TMEM74: variants seen among roughly 807,000 people sequenced by gnomAD.
TMEM74 encodes transmembrane protein 74.
A neutral mutation model predicts 18.1 loss-of-function variants in TMEM74; 13 were observed. That is an observed-to-expected ratio of 0.72 (90% CI 0.47 to 1.14). TMEM74 has a LOEUF of 1.14. Ranked by LOEUF, TMEM74 falls within the 50% of genes most tolerant of loss-of-function variation. The pLI is 0.00. For synonymous variants in TMEM74, 159 were observed against 146.6 expected, an observed-to-expected ratio of 1.08 and a Z score of -0.61; for missense variants, 372 against 375.9, an observed-to-expected ratio of 0.99 and a Z score of 0.09.
At chr8:108,758,788 C>T (rs545126543) in intron 1 of TMEM74, among the ~76,000 whole-genome samples, 39 of 152,078 alleles carry the variant, frequency 2.6e-4, no homozygotes, top group African/African-American at 9.2e-4. Flanking sequence ...TATAAATTCC[C>T]ATCAATGGGA....
In TMEM74 at chr8:108,783,206, C is replaced by A. The variant is rs1413071809; in HGVS notation, c.*975G>T. On this transcript the variant is annotated 3_prime_UTR_variant, in exon 2 of 2. Coordinates refer to ENST00000297459, the MANE Select transcript of TMEM74 (RefSeq NM_153015.3). ...GATACAGCCTGCGAGGCACAGTCCC[C>A]AAAAGTCTAGCTGCAATTCTATTGG... 6.6e-6 allele frequency among the ~76,000 whole-genome samples: 1 copy of A among 152,134 alleles called. No homozygotes were observed. The highest frequency in any genetic ancestry group is 1.5e-5 in the Non-Finnish European group (1 of 68,036).
chr8:108,658,186 G>A (rs929859744), intron 1 of TMEM74, among the ~76,000 whole-genome samples: 1 of 151,808 alleles, frequency 6.6e-6, no homozygotes, highest in Non-Finnish European at 1.5e-5. Context: ...GTGGTACAGT[G>A]GAAAGAGGAC....
At chr8:108,678,407 C>G (rs1813075758) in intron 1 of TMEM74, among the ~76,000 whole-genome samples, 1 of 152,104 alleles carries the variant, frequency 6.6e-6, no homozygotes, top group Admixed American at 6.6e-5. Context: ...CTCTGTCACC[C>G]AGGGTGGAGT....
intron 1 of TMEM74, among the ~76,000 whole-genome samples, chr8:108,740,486 C>T (rs1359070225): frequency 1.3e-5 from 2 of 152,152 alleles, no homozygotes; most frequent in Non-Finnish European, 2.9e-5. Flanking sequence ...TACAGGCATA[C>T]CTCGTTTCAT....
intron 2 of TMEM74, chr8:108,626,561 A>C (rs565533161): frequency 1.3e-5 from 2 of 152,102 alleles, no homozygotes; most frequent in Non-Finnish European, 2.9e-5. Context: ...ATAAGATTTC[A>C]GCAGCTGAGG....
chr8:108,720,054 C>G (rs1253859722), intron 1 of TMEM74, among the ~76,000 whole-genome samples: 1 of 151,850 alleles, frequency 6.6e-6, no homozygotes, highest in Non-Finnish European at 1.5e-5. Context: ...TGTAAACAAC[C>G]TCTTTGGAAC....
intron 1 of TMEM74, among the ~76,000 whole-genome samples, chr8:108,703,078 T>C (rs959029944): frequency 1.3e-5 from 2 of 152,130 alleles, no homozygotes; most frequent in Non-Finnish European, 2.9e-5. Flanking sequence ...ATAATCCCTC[T>C]AGGCTTCATT....
intron 1 of TMEM74, among the ~76,000 whole-genome samples, chr8:108,750,839 T>G (rs1226507431): frequency 6.6e-6 from 1 of 152,098 alleles, no homozygotes; most frequent in Admixed American, 6.6e-5. Flanking sequence ...TGGATCAAAG[T>G]TAAACACTGC....
At chr8:108,663,794 A>G in intron 1 of TMEM74, among the ~76,000 whole-genome samples, 1 of 152,160 alleles carries the variant, frequency 6.6e-6, no homozygotes. Context: ...AAGGACTGAG[A>G]TCATGTCCTT....
chr8:108,671,124 C>T (rs1359483705), intron 1 of TMEM74, among the ~76,000 whole-genome samples: 1 of 152,144 alleles, frequency 6.6e-6, no homozygotes, highest in Admixed American at 6.5e-5. Flanking sequence ...AATGCAGTTG[C>T]AAAATACATC....
At chr8:108,632,604 G>T (rs79300183) in intron 2 of TMEM74, among the ~76,000 whole-genome samples, 3,793 of 152,032 alleles carry the variant, frequency 0.025, 163 homozygotes, top group African/African-American at 0.087. Flanking sequence ...GTCACATGAA[G>T]TAGAAAATGA....
At chr8:108,701,853 C>T (rs956469892) in intron 1 of TMEM74, among the ~76,000 whole-genome samples, 1 of 152,076 alleles carries the variant, frequency 6.6e-6, no homozygotes, top group Non-Finnish European at 1.5e-5. Context: ...AGATTCAATG[C>T]AATCTCCATA....
intron 1 of TMEM74, among the ~76,000 whole-genome samples, chr8:108,665,629 G>A (rs987092392): frequency 2.0e-5 from 3 of 152,184 alleles, no homozygotes; most frequent in Non-Finnish European, 4.4e-5. Context: ...CTTAAAGTTA[G>A]TATGCCTAAA....
intron 1 of TMEM74, among the ~76,000 whole-genome samples, chr8:108,741,756 A>G (rs1457755133): frequency 6.6e-6 from 1 of 152,170 alleles, no homozygotes; most frequent in Non-Finnish European, 1.5e-5. Context: ...TACCTTACTA[A>G]TGGATAACAG....
At chr8:108,636,149 T>C (rs569395821) in intron 2 of TMEM74, among the ~76,000 whole-genome samples, 2 of 152,130 alleles carry the variant, frequency 1.3e-5, no homozygotes, top group South Asian at 2.1e-4. Context: ...CCTATTTGAG[T>C]AAGTGAATAT....
At chr8:108,674,172 CT>C (rs1228057380) in intron 1 of TMEM74, among the ~76,000 whole-genome samples, 2 of 152,010 alleles carry the variant, frequency 1.3e-5, no homozygotes, top group Admixed American at 6.6e-5. Context: ...GTTTTTATAT[CT>C]TTTTTCCCCA....
Position 108,718,284 on chromosome 8 carries a change from T to C in TMEM74, n.120-62847A>G, listed in dbSNP as rs190857172. 8.4e-3 allele frequency among the ~76,000 whole-genome samples: 1,276 copies of C among 151,840 alleles called. 12 individuals are homozygous for C. The highest frequency in any genetic ancestry group is 0.017 in the South Asian group (81 of 4,816). ...TGACTTAGGTTTTAAAAGGACCCCC[T>C]GGCTGCTGTACTGTGAATAGATGAA... is the stretch of plus-strand genomic sequence containing the variant. On this transcript the variant is annotated intron_variant and non_coding_transcript_variant, in intron 1 of 3. Transcript: ENST00000518838.
At chr8:108,694,941 C>G (rs183093355) in intron 1 of TMEM74, among the ~76,000 whole-genome samples, 1 of 152,160 alleles carries the variant, frequency 6.6e-6, no homozygotes, top group Non-Finnish European at 1.5e-5. Flanking sequence ...AACCCACAAG[C>G]ATTCCCCTTT....
intron 1 of TMEM74, among the ~76,000 whole-genome samples, chr8:108,702,355 A>G (rs998236933): frequency 1.3e-5 from 2 of 151,248 alleles, no homozygotes; most frequent in African/African-American, 4.9e-5. Flanking sequence ...AAAAAAAAAA[A>G]AAAAAAAGAA....
Sources: gnomAD v4.1 joint callset for allele counts (sites outside exome capture counted in the v4.1 genomes callset) on GRCh38, gnomAD v4.1.1 for gene constraint, MANE v1.5 for transcripts, NCBI Gene and HGNC (gene_info 2026-07-23, HGNC 2026-07-21) for gene names.